Variants in RNF150 observed in about 807,000 individuals in gnomAD.
RNF150 encodes ring finger protein 150.
In RNF150, 24 loss-of-function variants were observed where a neutral mutation model predicts 39.3. The ratio of observed to expected loss-of-function variants is 0.61; its 90% confidence interval spans 0.44 to 0.86. The LOEUF is 0.86. RNF150 is among the 40% of genes least tolerant of loss of function. RNF150 has a pLI of 0.00. For missense variants in RNF150, 502 were observed against 587.8 expected, an observed-to-expected ratio of 0.85 and a Z score of 1.51; for synonymous variants, 255 against 227.3, an observed-to-expected ratio of 1.12 and a Z score of -1.10.
intron 1 of RNF150, among the ~76,000 whole-genome samples, chr4:141,193,674 A>AC (rs1208030037): frequency 6.6e-6 from 1 of 152,196 alleles, no homozygotes; most frequent in Non-Finnish European, 1.5e-5. Flanking sequence ...GAACGACAGC[A>AC]GCCAGCTTCA....
At chr4:140,900,371 A>G (rs1044963328) in intron 6 of RNF150, among the ~76,000 whole-genome samples, 3 of 152,222 alleles carry the variant, frequency 2.0e-5, no homozygotes, top group African/African-American at 7.2e-5. Flanking sequence ...ACTAGTGGTG[A>G]TGCTGATAAC....
chr4:140,882,616 T>C (rs940216299), intron 6 of RNF150, among the ~76,000 whole-genome samples: 1 of 152,200 alleles, frequency 6.6e-6, no homozygotes, highest in Non-Finnish European at 1.5e-5. Flanking sequence ...GTTAGGTAAA[T>C]ATATATTAAT....
intron 1 of RNF150, among the ~76,000 whole-genome samples, chr4:141,083,734 G>A (rs192809119): frequency 1.6e-3 from 239 of 152,132 alleles, no homozygotes; most frequent in African/African-American, 5.5e-3. Context: ...GTGGCAGAAT[G>A]TGTACACACG....
chr4:141,069,739 C>G (rs1376120201), intron 1 of RNF150, among the ~76,000 whole-genome samples: 1 of 151,592 alleles, frequency 6.6e-6, no homozygotes, highest in Admixed American at 6.6e-5. Flanking sequence ...AATTTCAGCT[C>G]CTGTTATTGG....
chr4:141,174,902 A>C (rs1432470224), intron 1 of RNF150, among the ~76,000 whole-genome samples: 3 of 152,178 alleles, frequency 2.0e-5, no homozygotes, highest in East Asian at 1.9e-4. Flanking sequence ...AAAAAAAAAA[A>C]AAACCTCTGT....
At chr4:141,017,285 G>A (rs1201295173) in intron 1 of RNF150, among the ~76,000 whole-genome samples, 1 of 152,010 alleles carries the variant, frequency 6.6e-6, no homozygotes, top group East Asian at 1.9e-4. Context: ...TTAGTCACAG[G>A]CTTAAGATTT....
chr4:141,206,839 G>T (rs1728382970), intron 1 of RNF150, among the ~76,000 whole-genome samples: 1 of 152,062 alleles, frequency 6.6e-6, no homozygotes, highest in East Asian at 1.9e-4. Context: ...TCTGTTGGAG[G>T]CCGAAAGCCT....
intron 1 of RNF150, among the ~76,000 whole-genome samples, chr4:141,029,268 C>T (rs946491085): frequency 1.3e-5 from 2 of 152,214 alleles, no homozygotes; most frequent in South Asian, 4.2e-4. Context: ...TAGAAACAGG[C>T]CCCATCACAA....
intron 1 of RNF150, among the ~76,000 whole-genome samples, chr4:141,171,891 C>T (rs1009907890): frequency 1.3e-5 from 2 of 152,166 alleles, no homozygotes; most frequent in East Asian, 1.9e-4. Flanking sequence ...CAGTGAGCAT[C>T]GTGCCTGTCA....
chr4:141,013,720 T>G (rs138039874), intron 1 of RNF150, among the ~76,000 whole-genome samples: 183 of 152,320 alleles, frequency 1.2e-3, no homozygotes, highest in Non-Finnish European at 2.0e-3. Context: ...TGACAAATTA[T>G]AGTAATATAC....
In RNF150 at chr4:140,863,582, C is replaced by A. The variant is rs556053990; in HGVS notation, c.*4679G>T. ...CTGAAGGTTATTTCAGAGTTTCTTG[C>A]AAGAGAGAAAACAAATCAGAAAAAA... On this transcript the variant is annotated 3_prime_UTR_variant, in exon 7 of 7. Coordinates refer to ENST00000515673, the MANE Select transcript of RNF150 (RefSeq NM_020724.2). 3 of 151,350 alleles carry A rather than the reference C, an allele frequency of 2.0e-5. No individual in the cohort carries two copies. The highest frequency in any genetic ancestry group is 4.4e-5 in the Non-Finnish European group (3 of 67,912). The allele number at this position is 151,350 out of a possible 1,614,324, so 9.4% of individuals were successfully genotyped here.
intron 1 of RNF150, among the ~76,000 whole-genome samples, chr4:141,000,577 T>A (rs960985458): frequency 3.9e-5 from 6 of 152,212 alleles, no homozygotes; most frequent in African/African-American, 1.4e-4. Flanking sequence ...GTAAATGCAA[T>A]GACATTTTAT....
At position 140,921,175 on chromosome 4, in the gene RNF150, TATAATA is replaced by T. The variant is rs58434636; in HGVS notation, c.987+4796_987+4801del. The stretch of plus-strand genomic sequence containing the variant: ...TGCACATGTACCCTAAAACTTAAAG[TATAATA>T]ATAATAATAATAATAATAATATAAT... On this transcript the variant is annotated intron_variant, in intron 5 of 6. Transcript: ENST00000515673. Among the ~76,000 whole-genome samples, 334 of 148,174 alleles carry T rather than the reference TATAATA, an allele frequency of 2.3e-3. 2 individuals carry two copies. Among genetic ancestry groups the T allele is most frequent in the African/African-American group, 6.5e-3 (261 of 40,236 alleles).
intron 1 of RNF150, among the ~76,000 whole-genome samples, chr4:141,099,802 A>G (rs780546853): frequency 2.6e-5 from 4 of 151,958 alleles, no homozygotes; most frequent in Non-Finnish European, 4.4e-5. Flanking sequence ...TAAAAAAAAA[A>G]CCTTTAAGAA....
intron 1 of RNF150, among the ~76,000 whole-genome samples, chr4:141,162,516 A>G (rs1358983054): frequency 6.6e-6 from 1 of 152,158 alleles, no homozygotes; most frequent in Non-Finnish European, 1.5e-5. Flanking sequence ...ACCTCTGGCA[A>G]GATGGCTGAA....
At chr4:140,920,958 A>T (rs1418166594) in intron 5 of RNF150, among the ~76,000 whole-genome samples, 2 of 151,846 alleles carry the variant, frequency 1.3e-5, no homozygotes, top group Non-Finnish European at 2.9e-5. Flanking sequence ...AACACTGCAT[A>T]TTCTCACTCA....
At chr4:140,906,440 C>A (rs1412244906) in intron 6 of RNF150, among the ~76,000 whole-genome samples, 1 of 152,046 alleles carries the variant, frequency 6.6e-6, no homozygotes, top group African/African-American at 2.4e-5. Context: ...GCAAATATTA[C>A]ACCATTTTAT....
intron 1 of RNF150, among the ~76,000 whole-genome samples, chr4:141,060,553 T>C (rs1737175720): frequency 6.6e-6 from 1 of 152,184 alleles, no homozygotes; most frequent in East Asian, 1.9e-4. Context: ...AATAGTCAAA[T>C]CTGAAATTAA....
chr4:141,046,486 G>T (rs1371835665), intron 1 of RNF150, among the ~76,000 whole-genome samples: 1 of 152,134 alleles, frequency 6.6e-6, no homozygotes, highest in Non-Finnish European at 1.5e-5. Context: ...TCATACAACT[G>T]TTATTTACTG....
Sources: gnomAD v4.1 joint callset for allele counts (sites outside exome capture counted in the v4.1 genomes callset) on GRCh38, gnomAD v4.1.1 for gene constraint, MANE v1.5 for transcripts, NCBI Gene and HGNC (gene_info 2026-07-23, HGNC 2026-07-21) for gene names.